SCARB1: variants seen among roughly 807,000 people sequenced by gnomAD.
SCARB1 encodes scavenger receptor class B member 1.
In SCARB1, 30 loss-of-function variants were observed where a neutral mutation model predicts 57.2. The observed-to-expected ratio is 0.52, with a 90% CI of 0.39 to 0.71. SCARB1 has a LOEUF of 0.71. SCARB1 is among the 30% of genes least tolerant of loss of function. The pLI is 0.00. For missense variants in SCARB1, 543 were observed against 671.2 expected (o/e 0.81, Z 2.11); for synonymous variants, 249 against 268.3 (o/e 0.93, Z 0.70).
intron 1 of SCARB1, among the ~76,000 whole-genome samples, chr12:124,826,330 C>CAAA (rs55809371): frequency 7.6e-5 from 6 of 78,856 alleles, no homozygotes; most frequent in South Asian, 4.9e-4. Context: ...GACCCTGTCT[C>CAAA]AAAAAAAAAA....
rs761262462 is a variant in SCARB1 at position 124,822,756 on chromosome 12, C to T, written c.127-5049G>A. Among the ~76,000 whole-genome samples, 2 of 152,160 alleles carry T rather than the reference C, an allele frequency of 1.3e-5. No individual in the cohort carries two copies. Among genetic ancestry groups the T allele is most frequent in the Non-Finnish European group, 2.9e-5 (2 of 68,004 alleles). On this transcript the variant is annotated intron_variant, in intron 1 of 12. Transcript: ENST00000261693. The surrounding 1 kb of genome is among the most constrained non-coding windows in gnomAD (Gnocchi z 5.0). ...AAAAAATATTAGCCGGGCATGGTGG[C>T]GCACACCTGTGGTCCCAGCTACTCA...
chr12:124,839,126 ATGT>A, intron 1 of SCARB1: 2 of 417,558 alleles, frequency 4.8e-6, no homozygotes, highest in South Asian at 3.4e-5. Flanking sequence ...GACATTTGCA[ATGT>A]TGTGCAATTA....
At chr12:124,838,528 C>T (rs1247774249) in intron 1 of SCARB1, among the ~76,000 whole-genome samples, 2 of 152,060 alleles carry the variant, frequency 1.3e-5, no homozygotes, top group East Asian at 1.9e-4. Flanking sequence ...AATAGGGCAA[C>T]GGTGGTTTGG....
At chr12:124,828,491 T>G (rs542593857) in intron 1 of SCARB1, among the ~76,000 whole-genome samples, 1 of 152,328 alleles carries the variant, frequency 6.6e-6, no homozygotes, top group African/African-American at 2.4e-5. Flanking sequence ...GAGACGCCCC[T>G]GCCCTCAGAC....
intron 1 of SCARB1, among the ~76,000 whole-genome samples, chr12:124,834,173 G>A (rs1951534312): frequency 6.6e-6 from 1 of 152,256 alleles, no homozygotes; most frequent in African/African-American, 2.4e-5. Context: ...GCCCTGCAAG[G>A]CCAGAGCCAG....
intron 8 of SCARB1, among the ~76,000 whole-genome samples, chr12:124,798,598 C>T (rs1416540600): frequency 6.6e-6 from 1 of 152,086 alleles, no homozygotes; most frequent in Non-Finnish European, 1.5e-5. Flanking sequence ...ATCCCAGCAA[C>T]CTGGGAGTCC....
At chr12:124,846,782 C>T (rs1952176602) in intron 1 of SCARB1, among the ~76,000 whole-genome samples, 1 of 139,788 alleles carries the variant, frequency 7.2e-6, no homozygotes, top group Non-Finnish European at 1.5e-5. Context: ...TGATACTCAG[C>T]TTCTTCCGAT....
Position 124,796,403 on chromosome 12 carries a change from CTTT to C in SCARB1, c.1129-1138_1129-1136del, listed in dbSNP as rs375977532. Among the ~76,000 whole-genome samples, 1 of 149,828 alleles carries C rather than the reference CTTT, an allele frequency of 6.7e-6. No individual in the cohort carries two copies. Among genetic ancestry groups the C allele is most frequent in the African/African-American group, 2.4e-5 (1 of 40,942 alleles). On this transcript the variant is annotated intron_variant, in intron 8 of 12. Coordinates refer to ENST00000261693, the MANE Select transcript of SCARB1 (RefSeq NM_005505.5). This position sits in a 1 kb window ranked among gnomAD's most constrained non-coding sequence, Gnocchi z 4.0. The stretch of plus-strand genomic sequence containing the variant: ...CTATACCCAGCTCTTTTTAACGAGA[CTTT>C]TTTTTTTAAGTAAATAACCGAAGTG...
At chr12:124,816,657 G>A (rs1411834033) in intron 2 of SCARB1, among the ~76,000 whole-genome samples, 2 of 152,118 alleles carry the variant, frequency 1.3e-5, no homozygotes, top group African/African-American at 4.8e-5. Context: ...TCCCCTGTCT[G>A]TGAACTGGGA....
intron 1 of SCARB1, chr12:124,821,520 G>A: frequency 2.0e-6 from 2 of 985,110 alleles, no homozygotes; most frequent in Non-Finnish European, 2.4e-6. Context: ...AGGCTTTCAG[G>A]CCCTGGGTTT....
chr12:124,857,714 C>T (rs962305899), intron 1 of SCARB1, among the ~76,000 whole-genome samples: 4 of 152,156 alleles, frequency 2.6e-5, no homozygotes, highest in African/African-American at 9.7e-5. Flanking sequence ...TTGCCTCTAC[C>T]CCAGGGGAAA....
chr12:124,826,330 C>CAA (rs55809371), intron 1 of SCARB1, among the ~76,000 whole-genome samples: 193 of 78,784 alleles, frequency 2.4e-3, no homozygotes, highest in Admixed American at 0.013. Flanking sequence ...GACCCTGTCT[C>CAA]AAAAAAAAAA....
chr12:124,782,992 T>C, intron 11 of SCARB1, 181 bp from the exon 12 acceptor site: 1 of 609,460 alleles, frequency 1.6e-6, no homozygotes, highest in Non-Finnish European at 2.9e-6. Flanking sequence ...TAGACATAAG[T>C]ACAAGCATCT....
chr12:124,863,550 C>T (rs369314425), intron 1 of SCARB1, 45 bp downstream of exon 1: 257 of 1,579,970 alleles, frequency 1.6e-4, no homozygotes, highest in Non-Finnish European at 2.0e-4. Flanking sequence ...CAGCGCCCAA[C>T]AGCCCGGGTC....
chr12:124,784,133 C>G (rs1357523601), intron 11 of SCARB1: 2 of 152,406 alleles, frequency 1.3e-5, no homozygotes, highest in Admixed American at 1.3e-4. Flanking sequence ...CCCAGGGACC[C>G]CCTCATGTGG....
chr12:124,806,301 G>A lies in SCARB1; in HGVS notation c.1009+1460C>T, dbSNP rs548444754. Among the ~76,000 whole-genome samples, 12 of 152,256 alleles carry A rather than the reference G, an allele frequency of 7.9e-5. No homozygotes were observed. The South Asian group carries it at 2.5e-3, about 32-fold the overall frequency. ...TGACGCACTGGAAGAGCTGGGTGAGGACAGGGAAACAAACTGACGCCCGAG... is the reference window on the plus strand; with the variant it reads ...TGACGCACTGGAAGAGCTGGGTGAGAACAGGGAAACAAACTGACGCCCGAG... On this transcript the variant is annotated intron_variant, in intron 7 of 12. Transcript: ENST00000261693.
At chr12:124,849,238 G>A (rs1952293085) in intron 1 of SCARB1, among the ~76,000 whole-genome samples, 1 of 152,124 alleles carries the variant, frequency 6.6e-6, no homozygotes, top group Non-Finnish European at 1.5e-5. Flanking sequence ...GATGCTGCTG[G>A]GACACACTGC....
rs1872522507 is a variant in SCARB1 at position 124,776,860 on chromosome 12, C to T, written c.*1727G>A. The stretch of plus-strand genomic sequence containing the variant: ...ACAAGAAATAAAAAAAAAAAGTTTG[C>T]TTCAACTTATATATTTATGTTGCAG... On this transcript the variant is annotated 3_prime_UTR_variant, in exon 13 of 13. Coordinates refer to ENST00000261693, the MANE Select transcript of SCARB1 (RefSeq NM_005505.5). The T allele has an allele frequency of 6.6e-6, 1 of 151,958 alleles. No individual in the cohort carries two copies. The highest frequency in any genetic ancestry group is 1.5e-5 in the Non-Finnish European group (1 of 68,010). 9.4% of individuals were successfully genotyped at this position (151,958 alleles called of 1,614,324 possible). A position where few individuals can be genotyped will look rare whatever the true frequency, so the allele number is the denominator to read the frequency against.
Position 124,811,862 on chromosome 12 carries a change from C to T in SCARB1, c.726+8G>A, listed in dbSNP as rs774768995. 1.9e-5 allele frequency: 31 copies of T among 1,606,414 alleles called. No homozygotes were observed. In the South Asian group the frequency reaches 3.1e-4, roughly 16 times the overall value. On this transcript the variant is annotated splice_region_variant and intron_variant, in intron 5 of 12. Coordinates refer to ENST00000261693, the MANE Select transcript of SCARB1 (RefSeq NM_005505.5). Reference sequence around the variant, plus strand: ...TGGCGACAGGGGCCCTCGCCTCTCGCCCCTCACCTTGCTCAGCCCGTTCCA... The same window carrying T: ...TGGCGACAGGGGCCCTCGCCTCTCGTCCCTCACCTTGCTCAGCCCGTTCCA...
Sources: gnomAD v4.1 joint callset for allele counts (sites outside exome capture counted in the v4.1 genomes callset) on GRCh38, gnomAD v4.1.1 for gene constraint, Gnocchi (gnomAD v3.1) non-coding constraint, MANE v1.5 for transcripts, NCBI Gene and HGNC (gene_info 2026-07-23, HGNC 2026-07-21) for gene names.